EFHB: variants seen among roughly 807,000 people sequenced by gnomAD.
EFHB encodes the protein EF-hand domain-containing family member B.
Under a neutral mutation model 87.2 loss-of-function variants are expected in EFHB, and 91 were observed. The observed-to-expected ratio is 1.04, with a 90% CI of 0.88 to 1.24. The LOEUF (loss-of-function observed/expected upper bound fraction) is 1.24. EFHB is among the 50% of genes most tolerant of loss of function. EFHB has a pLI of 0.00. For synonymous variants in EFHB, 325 were observed against 333.6 expected, an observed-to-expected ratio of 0.97 and a Z score of 0.28; for missense variants, 1,084 against 998.8, an observed-to-expected ratio of 1.09 and a Z score of -1.15.
At position 19,919,970 on chromosome 3, in the gene EFHB, T is replaced by C. The variant is rs1157765883; in HGVS notation, c.859A>G (p.Thr287Ala). The C allele has an allele frequency of 3.7e-6, 6 of 1,613,532 alleles. No homozygotes were observed. The highest frequency in any genetic ancestry group is 5.1e-6 in the Non-Finnish European group (6 of 1,179,714). The part of the protein sequence containing the change: ...CLTEKLPRLI[T>A]PPEAKKYFNF... ...AAATACTTTTTTGCTTCAGGTGGAG[T>C]AATTAGCTACAAAGAGTGAGGCAAG... is the stretch of plus-strand genomic sequence containing the variant. The change falls in exon 3 of 13, where the codon ACT becomes GCT. Residue 287 changes from threonine to alanine, a missense_variant. Coordinates refer to ENST00000295824, the MANE Select transcript of EFHB (RefSeq NM_144715.4).
intron 1 of EFHB, among the ~76,000 whole-genome samples, chr3:19,929,566 G>A (rs188321028): frequency 2.7e-4 from 41 of 151,782 alleles, no homozygotes; most frequent in Admixed American, 1.2e-3. Flanking sequence ...AAAATTAGCC[G>A]GGTGTGGGGG....
Position 19,933,394 on chromosome 3 carries a change from C to T in EFHB, c.625G>A (p.Glu209Lys), listed in dbSNP as rs1344717236. ...AEGPDETKNT[E>K]PQMGLVIEPP... ...TCTATCACCAAGCCCATTTGGGGCT[C>T]TGTATTCTTAGTCTCATCTGGCCCC... Residue 209 changes from glutamate (E) to lysine (K), a missense_variant, in exon 1 of 13, where the codon GAG becomes AAG. Coordinates refer to ENST00000295824, the MANE Select transcript of EFHB (RefSeq NM_144715.4). 4 of 1,613,998 alleles carry T rather than the reference C, an allele frequency of 2.5e-6. No individual in the cohort carries two copies. Among genetic ancestry groups the T allele is most frequent in the South Asian group, 2.2e-5 (2 of 91,080 alleles).
chr3:19,909,189 C>A (rs575906257), intron 5 of EFHB, among the ~76,000 whole-genome samples: 9 of 151,938 alleles, frequency 5.9e-5, no homozygotes, highest in African/African-American at 1.9e-4. Flanking sequence ...AGTTTTGAAT[C>A]ACAGACACCA....
chr3:19,908,571 AGAGAGAG>A (rs1559459491), intron 5 of EFHB, among the ~76,000 whole-genome samples: 2 of 86,920 alleles, frequency 2.3e-5, no homozygotes, highest in African/African-American at 5.8e-5. Context: ...AAAGAGAGAG[AGAGAGAG>A]AGAGAGAGAG....
chr3:19,907,436 T>C (rs920486884), intron 5 of EFHB, among the ~76,000 whole-genome samples: 1 of 152,150 alleles, frequency 6.6e-6, no homozygotes, highest in African/African-American at 2.4e-5. Flanking sequence ...GTCTCCACCA[T>C]TGTTATGGAA....
Position 19,908,582 on chromosome 3 carries a change from GAGAGAGAGAGAGAGAGAGAAAGAA to G in EFHB, c.1289-2857_1289-2834del, listed in dbSNP as rs1223785561. On this transcript the variant is annotated intron_variant, in intron 5 of 12. Transcript: ENST00000295824. ...AGAGAAAGAGAGAGAGAGAGAGAGA[GAGAGAGAGAGAGAGAGAGAAAGAA>G]AGAAAGAAAGAAAGAAAGAAAGAAA... Among the ~76,000 whole-genome samples, 32 of 118,258 alleles carry G rather than the reference GAGAGAGAGAGAGAGAGAGAAAGAA, an allele frequency of 2.7e-4. 1 individual carries two copies. Among genetic ancestry groups the G allele is most frequent in the African/African-American group, 1.2e-3 (32 of 26,042 alleles). 77.6% of individuals were successfully genotyped at this position (118,258 alleles called of 152,430 possible). A position where few individuals can be genotyped will look rare whatever the true frequency, so the allele number is the denominator to read the frequency against.
intron 6 of EFHB, among the ~76,000 whole-genome samples, chr3:19,903,683 A>G (rs1256936550): frequency 6.6e-6 from 1 of 152,206 alleles, no homozygotes; most frequent in Non-Finnish European, 1.5e-5. Flanking sequence ...GTGTTTTACC[A>G]TCCTTATTTT....
intron 1 of EFHB, among the ~76,000 whole-genome samples, chr3:19,929,210 T>C (rs992842479): frequency 5.5e-4 from 80 of 145,584 alleles, no homozygotes; most frequent in Non-Finnish European, 3.9e-4. Flanking sequence ...TTTTTAACTT[T>C]TTTTTTTTTT....
chr3:19,912,200 G>A (rs1418947754), intron 5 of EFHB, among the ~76,000 whole-genome samples: 1 of 152,120 alleles, frequency 6.6e-6, no homozygotes, highest in Non-Finnish European at 1.5e-5. Context: ...TCTAAAAGCA[G>A]TGAGAGAAAA....
At chr3:19,884,288 G>T in intron 11 of EFHB, 115 bp downstream of exon 11, 1 of 968,218 alleles carries the variant, frequency 1.0e-6, no homozygotes, top group Non-Finnish European at 1.5e-6. Flanking sequence ...TGAATTAAAT[G>T]CAAGGTACAA....
At chr3:19,880,257 T>C (rs932288597) in intron 12 of EFHB, among the ~76,000 whole-genome samples, 1 of 142,376 alleles carries the variant, frequency 7.0e-6, no homozygotes. Flanking sequence ...TTTATTTATT[T>C]ATTTATTTTT....
intron 2 of EFHB, 93 bp downstream of exon 2, chr3:19,920,412 T>C (rs1395549238): frequency 2.9e-6 from 3 of 1,050,440 alleles, no homozygotes; most frequent in Non-Finnish European, 4.2e-6. Flanking sequence ...ATTAAGTTTA[T>C]ACCACTTTCA....
intron 5 of EFHB, 33 bp from the exon 6 acceptor site, chr3:19,905,782 A>G (rs965908922): frequency 8.8e-6 from 14 of 1,583,040 alleles, no homozygotes; most frequent in Non-Finnish European, 1.2e-5. Flanking sequence ...TTATGACTTA[A>G]GCAACACGAA....
chr3:19,896,331 A>T (rs142729556), intron 9 of EFHB, among the ~76,000 whole-genome samples: 64 of 152,348 alleles, frequency 4.2e-4, no homozygotes, highest in African/African-American at 1.5e-3. Context: ...TGCATTTCTA[A>T]CAAGTTCCCA....
intron 1 of EFHB, chr3:19,945,834 C>T (rs1696262998): frequency 6.6e-6 from 1 of 152,276 alleles, no homozygotes; most frequent in East Asian, 1.9e-4. Context: ...TGCACAATGC[C>T]GCCGACTGTA....
Position 19,916,514 on chromosome 3 carries a change from C to CA in EFHB, c.1178-1102dup, listed in dbSNP as rs1024782307. ...TGGGCAACAGAGTGAGACTCCGTCT[C>CA]AAAAAAAAAATTAATTCATTAATTA... On this transcript the variant is annotated intron_variant, in intron 4 of 12. Coordinates refer to ENST00000295824, the MANE Select transcript of EFHB (RefSeq NM_144715.4). Among the ~76,000 whole-genome samples, 435 of 146,522 alleles carry CA rather than the reference C, an allele frequency of 3.0e-3. 3 individuals are homozygous for CA. Among genetic ancestry groups the CA allele is most frequent in the African/African-American group, 8.4e-3 (333 of 39,844 alleles).
rs191005854 is a variant in EFHB, at chr3:19,883,145, C to T, written c.2147-414G>A. Among the ~76,000 whole-genome samples, 301 of 151,984 alleles carry T rather than the reference C, an allele frequency of 2.0e-3. 1 individual carries two copies. Among genetic ancestry groups the T allele is most frequent in the African/African-American group, 6.8e-3 (280 of 41,452 alleles). ...CCTCCCAGGTTGCTGAGACTACAGG[C>T]GTTTGCCATCATGCCCAGCTAATTT... On this transcript the variant is annotated intron_variant, in intron 11 of 12. Transcript: ENST00000295824.
At chr3:19,901,282 T>C (rs1694661182) in intron 6 of EFHB, among the ~76,000 whole-genome samples, 4 of 152,214 alleles carry the variant, frequency 2.6e-5, no homozygotes, top group Admixed American at 2.6e-4. Context: ...GTAAAATAAT[T>C]TTGTTACTTC....
intron 1 of EFHB, among the ~76,000 whole-genome samples, chr3:19,928,606 A>G (rs774257637): frequency 1.3e-5 from 2 of 152,048 alleles, no homozygotes; most frequent in Non-Finnish European, 2.9e-5. Flanking sequence ...CACCACACCC[A>G]GCTAATTTTT....
Sources: allele counts gnomAD v4.1 joint callset (sites outside exome capture counted in the v4.1 genomes callset), GRCh38; gene constraint gnomAD v4.1.1; transcripts MANE v1.5; gene names NCBI Gene and HGNC (gene_info 2026-07-23, HGNC 2026-07-21).